Variants in ADGRV1 observed in about 807,000 individuals in gnomAD.
ADGRV1 encodes the protein G-protein coupled receptor 98.
Under a neutral mutation model 596.2 loss-of-function variants are expected in ADGRV1, and 359 were observed. That is an observed-to-expected ratio of 0.60 (90% CI 0.55 to 0.66). The LOEUF (loss-of-function observed/expected upper bound fraction) is 0.66, where lower values mean the gene tolerates loss of function less well. ADGRV1 is among the 30% of genes least tolerant of loss of function. The pLI is 0.00. For missense variants in ADGRV1, 7,274 were observed against 7,575.6 expected (o/e 0.96, Z 1.48); for synonymous variants, 2,681 against 2,679.2 (o/e 1.00, Z -0.02).
chr5:90,944,547 T>C (rs1181988317), intron 83 of ADGRV1, among the ~76,000 whole-genome samples: 1 of 152,174 alleles, frequency 6.6e-6, no homozygotes, highest in Non-Finnish European at 1.5e-5. Flanking sequence ...GTAAATACAC[T>C]AGAGATTATA....
chr5:90,616,526 C>G (rs1036042519), intron 2 of ADGRV1, among the ~76,000 whole-genome samples: 1 of 151,994 alleles, frequency 6.6e-6, no homozygotes, highest in African/African-American at 2.4e-5. Context: ...ATTGATTTTC[C>G]TGACACAGTT....
intron 84 of ADGRV1, among the ~76,000 whole-genome samples, chr5:90,978,092 C>T (rs1191324740): frequency 6.6e-6 from 1 of 151,898 alleles, no homozygotes; most frequent in Non-Finnish European, 1.5e-5. Flanking sequence ...GTCAGGAGAT[C>T]GAGACCATCC....
intron 59 of ADGRV1, among the ~76,000 whole-genome samples, chr5:90,764,609 T>C (rs1024077843): frequency 6.6e-6 from 1 of 152,190 alleles, no homozygotes; most frequent in African/African-American, 2.4e-5. Context: ...AAGGGGACTT[T>C]GATGGGCTGT....
At chr5:90,765,933 A>G (rs1757071598) in intron 59 of ADGRV1, among the ~76,000 whole-genome samples, 1 of 151,194 alleles carries the variant, frequency 6.6e-6, no homozygotes, top group African/African-American at 2.4e-5. Context: ...TTTTTGAGAC[A>G]GAGTCTTGCT....
At chr5:91,089,642 G>A (rs16869427) in intron 86 of ADGRV1, among the ~76,000 whole-genome samples, 3,146 of 152,132 alleles carry the variant, frequency 0.021, 111 homozygotes, top group African/African-American at 0.072. Flanking sequence ...ATTTTCCTGA[G>A]ACATCATGCC....
chr5:91,120,111 A>G (rs1562244117), intron 87 of ADGRV1, among the ~76,000 whole-genome samples: 1 of 152,204 alleles, frequency 6.6e-6, no homozygotes, highest in Non-Finnish European at 1.5e-5. Context: ...ATTACACCAG[A>G]CGCTGCAAAC....
chr5:90,612,315 T>C (rs1383992441), intron 1 of ADGRV1, among the ~76,000 whole-genome samples: 2 of 152,096 alleles, frequency 1.3e-5, no homozygotes, highest in Non-Finnish European at 2.9e-5. Context: ...GATTCATAAT[T>C]ATGCAATCTT....
At chr5:90,754,825 G>A (rs79660342) in intron 54 of ADGRV1, among the ~76,000 whole-genome samples, 158 bp from the exon 55 acceptor site, 2,560 of 152,264 alleles carry the variant, frequency 0.017, 37 homozygotes, top group Non-Finnish European at 0.023. Flanking sequence ...GGAAGACCAA[G>A]CCCAGAATGA....
chr5:90,832,247 C>T (rs1764588377), intron 77 of ADGRV1, among the ~76,000 whole-genome samples: 2 of 152,164 alleles, frequency 1.3e-5, no homozygotes, highest in South Asian at 2.1e-4. Flanking sequence ...ATTTTCTCCA[C>T]CTTCTCACTA....
Position 90,689,977 on chromosome 5 carries a change from G to C in ADGRV1, c.6607G>C (p.Val2203Leu), listed in dbSNP as rs1383195821. ...IYPELEESFL[V>L]QLMNETTGGA... ...TCCTGAACTGGAAGAATCTTTTCTT[G>C]TGCAACTGATGAATGAAACAACAGG... Residue 2203 changes from valine (V) to leucine (L), a missense_variant, in exon 30 of 90, where the codon GTG (valine) becomes CTG (leucine). Physicochemically the swap from Val to Leu is conservative, Grantham distance 32. This residue lies in a region of ADGRV1 where 3,643 missense variants were observed against 3,809.2 expected (regional missense o/e 0.96). Coordinates refer to ENST00000405460, the MANE Select transcript of ADGRV1 (RefSeq NM_032119.4). 1 of 1,609,580 alleles carries C rather than the reference G, an allele frequency of 6.2e-7. No homozygotes were observed. The highest frequency in any genetic ancestry group is 1.3e-5 in the African/African-American group (1 of 74,898).
At chr5:91,001,793 T>G (rs995878065) in intron 85 of ADGRV1, among the ~76,000 whole-genome samples, 1 of 152,166 alleles carries the variant, frequency 6.6e-6, no homozygotes, top group African/African-American at 2.4e-5. Flanking sequence ...GAGGGTTCTT[T>G]TTTTCCTGAA....
intron 57 of ADGRV1, among the ~76,000 whole-genome samples, chr5:90,758,322 G>A (rs1362192443): frequency 6.6e-6 from 1 of 152,038 alleles, no homozygotes; most frequent in Non-Finnish European, 1.5e-5. Context: ...AACAAAGCGA[G>A]ACTCCATCTC....
At chr5:90,914,002 T>A (rs1208833756) in intron 83 of ADGRV1, among the ~76,000 whole-genome samples, 1 of 152,166 alleles carries the variant, frequency 6.6e-6, no homozygotes, top group Non-Finnish European at 1.5e-5. Flanking sequence ...ACAGGGAAAA[T>A]TGAACCCTTG....
chr5:91,071,987 A>T (rs1056708544), intron 85 of ADGRV1, among the ~76,000 whole-genome samples: 2 of 152,028 alleles, frequency 1.3e-5, no homozygotes, highest in African/African-American at 2.4e-5. Flanking sequence ...TATAATCCTT[A>T]TTTTAAAGAT....
At chr5:90,992,601 G>T (rs991221855) in intron 85 of ADGRV1, among the ~76,000 whole-genome samples, 1 of 152,156 alleles carries the variant, frequency 6.6e-6, no homozygotes, top group East Asian at 1.9e-4. Context: ...GAACTCTTCC[G>T]TGAGAAAGAA....
chr5:90,627,253 G>A lies in ADGRV1; in HGVS notation c.715G>A (p.Val239Ile), dbSNP rs749868209. Residue 239 changes from valine to isoleucine, a missense_variant, in exon 7 of 90, where the codon GTA becomes ATA. By Grantham distance (29) the Val-to-Ile change is conservative. Transcript: ENST00000405460. The stretch of plus-strand genomic sequence containing the variant: ...AATATTTTTAATTCAACTGAAAAGT[G>A]TAGAAGGAGGAGCTGAGATTAACAC... ...DEIFLIQLKS[V>I]EGGAEINTSR... 9 of 1,584,738 alleles carry A rather than the reference G, an allele frequency of 5.7e-6. No homozygotes were observed. The highest frequency in any genetic ancestry group is 3.5e-5 in the Admixed American group (2 of 56,798).
chr5:90,724,200 C>A (rs1405748512), intron 45 of ADGRV1, among the ~76,000 whole-genome samples: 2 of 152,048 alleles, frequency 1.3e-5, no homozygotes, highest in East Asian at 3.9e-4. Flanking sequence ...TCATGTTCTG[C>A]ATATTTCCCT....
chr5:90,762,666 A>G (rs1280489625), intron 58 of ADGRV1: 3 of 152,154 alleles, frequency 2.0e-5, no homozygotes, highest in African/African-American at 7.2e-5. Context: ...TCCTCTCTTT[A>G]TCTCAGATTA....
At chr5:90,631,568 C>T (rs1023293490) in intron 9 of ADGRV1, among the ~76,000 whole-genome samples, 1 of 152,058 alleles carries the variant, frequency 6.6e-6, no homozygotes, top group Non-Finnish European at 1.5e-5. Flanking sequence ...TGTTTTCTTG[C>T]GTCTCCTCCA....
Sources: allele counts gnomAD v4.1 joint callset (sites outside exome capture counted in the v4.1 genomes callset), GRCh38; gene constraint gnomAD v4.1.1; regional missense constraint gnomAD v4.1.1; transcripts MANE v1.5; gene names NCBI Gene and HGNC (gene_info 2026-07-23, HGNC 2026-07-21).